The following TSPEAR variants were observed in gnomAD, a reference collection of about 807,000 sequenced individuals.
TSPEAR encodes thrombospondin type laminin G domain and EAR repeats.
In TSPEAR, 69 loss-of-function variants were observed where a neutral mutation model predicts 71.6. The ratio of observed to expected loss-of-function variants is 0.96; its 90% CI spans 0.79 to 1.18. The LOEUF is 1.18. Ranked by LOEUF, TSPEAR falls within the 50% of genes most tolerant of loss-of-function variation. TSPEAR has a pLI of 0.00. For synonymous variants in TSPEAR, 402 were observed against 387.2 expected, an observed-to-expected ratio of 1.04 and a Z score of -0.45; for missense variants, 971 against 894.9, an observed-to-expected ratio of 1.09 and a Z score of -1.09.
At chr21:44,616,589 C>T (rs1982112197) in intron 1 of TSPEAR, among the ~76,000 whole-genome samples, 2 of 152,258 alleles carry the variant, frequency 1.3e-5, no homozygotes, top group East Asian at 1.9e-4. Context: ...CCCACAACTC[C>T]AGTCCCTCTT....
In TSPEAR at chr21:44,553,568, T is replaced by G. The variant is rs1555919393; in HGVS notation, c.303+14217A>C. Among the ~76,000 whole-genome samples the G allele has an allele frequency of 6.6e-5, 10 of 151,870 alleles. No homozygotes were observed. The South Asian group carries it at 1.9e-3, about 29-fold the overall frequency. ...ATAACAAACAGAGTGTATATTTAGC[T>G]GAGACAAAACCTGAAAATTCAATTG... On this transcript the variant is annotated intron_variant, in intron 2 of 11. Transcript: ENST00000323084.
intron 1 of TSPEAR, among the ~76,000 whole-genome samples, chr21:44,650,392 C>T (rs1555941179): frequency 6.4e-5 from 2 of 31,038 alleles, no homozygotes. Flanking sequence ...TGCACACGAA[C>T]GGGCACCTGG....
rs116602194 is a variant in TSPEAR at position 44,589,197 on chromosome 21, C to T, written c.83-21192G>A. Among the ~76,000 whole-genome samples, 1,063 of 152,272 alleles carry T rather than the reference C, an allele frequency of 7.0e-3. 14 individuals are homozygous for T. Among genetic ancestry groups the T allele is most frequent in the African/African-American group, 0.024 (999 of 41,536 alleles). ...AATAAAAAACCAAAATAGAATGTCA[C>T]CACATGTGGGCTCTCACTAAGCATC... On this transcript the variant is annotated intron_variant, in intron 1 of 11. Transcript: ENST00000323084.
chr21:44,571,250 A>G (rs1009629968), intron 1 of TSPEAR, among the ~76,000 whole-genome samples: 33 of 152,268 alleles, frequency 2.2e-4, no homozygotes, highest in Non-Finnish European at 4.3e-4. Context: ...GGGTCTGGCT[A>G]TGTTGCCCAG....
At chr21:44,530,997 C>A in intron 4 of TSPEAR, 46 bp downstream of exon 4, 1 of 1,500,574 alleles carries the variant, frequency 6.7e-7, no homozygotes, top group South Asian at 1.1e-5. Context: ...TGGGGCAGTC[C>A]CATCCCGCAG....
At chr21:44,662,947 T>G (rs1187111022) in intron 1 of TSPEAR, among the ~76,000 whole-genome samples, 1 of 152,136 alleles carries the variant, frequency 6.6e-6, no homozygotes, top group Non-Finnish European at 1.5e-5. Flanking sequence ...TCAAAATATA[T>G]GGAACATGGC....
rs782237055 is a variant in TSPEAR at position 44,697,905 on chromosome 21, T to C, written c.82+13528A>G. On this transcript the variant is annotated intron_variant, in intron 1 of 11. Coordinates refer to ENST00000323084, the MANE Select transcript of TSPEAR (RefSeq NM_144991.3). ...CGCCTGGCCTCCTGCGGGTCCCTCC[T>C]CTGCCGCCCCACATGTTCCCGCCTG... 5.6e-6 allele frequency: 9 copies of C among 1,612,456 alleles called. No homozygotes were observed. The South Asian group carries it at 9.9e-5, about 18-fold the overall frequency.
chr21:44,702,295 G>A lies in TSPEAR; in HGVS notation c.82+9138C>T, dbSNP rs375555287. 790 of 1,606,564 alleles carry A rather than the reference G, an allele frequency of 4.9e-4. 6 individuals are homozygous for A. The African/African-American group carries it at 7.8e-3, about 16-fold the overall frequency. On this transcript the variant is annotated intron_variant, in intron 1 of 11. Coordinates refer to ENST00000323084, the MANE Select transcript of TSPEAR (RefSeq NM_144991.3). The stretch of plus-strand genomic sequence containing the variant: ...CTGCTGCGAGCCCCCCTGCTGCGCC[G>A]CCAGCTGCTGTGCCCCGGCCCCCTG...
At position 44,612,515 on chromosome 21, in the gene TSPEAR, T is replaced by C. The variant is rs781856406; in HGVS notation, c.83-44510A>G. The C allele has an allele frequency of 6.2e-7, 1 of 1,608,620 alleles. No individual in the cohort carries two copies. The highest frequency in any genetic ancestry group is 8.5e-7 in the Non-Finnish European group (1 of 1,176,930). On this transcript the variant is annotated intron_variant, in intron 1 of 11. Transcript: ENST00000323084. This position sits in a 1 kb window ranked among gnomAD's most constrained non-coding sequence, Gnocchi z 4.1. ...GCCCGTGTGCTGCGTGTCCATCTGC[T>C]CTGGAGCTTCCTCCCCATGCTGCCA...
intron 2 of TSPEAR, among the ~76,000 whole-genome samples, chr21:44,557,496 G>A (rs1375515578): frequency 1.3e-5 from 2 of 152,200 alleles, no homozygotes; most frequent in Admixed American, 1.3e-4. Flanking sequence ...GATGATGAGT[G>A]GGGGTCAGAC....
chr21:44,501,947 A>G (rs1427626638), intron 11 of TSPEAR, among the ~76,000 whole-genome samples: 1 of 152,200 alleles, frequency 6.6e-6, no homozygotes, highest in African/African-American at 2.4e-5. Flanking sequence ...TTCATTTTAA[A>G]CTGGATAAAG....
intron 2 of TSPEAR, chr21:44,558,163 G>A (rs1555920212): frequency 1.9e-6 from 3 of 1,610,716 alleles, no homozygotes; most frequent in Non-Finnish European, 2.5e-6. Flanking sequence ...CAGCTGGGCT[G>A]GCAGGTGGAG....
chr21:44,711,431 A>T lies in TSPEAR; in HGVS notation c.82+2T>A. On this transcript the variant is annotated splice_donor_variant, in intron 1 of 11. Coordinates refer to ENST00000323084, the MANE Select transcript of TSPEAR (RefSeq NM_144991.3). LOFTEE classifies it high-confidence loss of function. The surrounding 1 kb of genome is among the most constrained non-coding windows in gnomAD (Gnocchi z 4.5). Reference sequence around the variant, plus strand: ...GCCCGAGTTCCCATGCCCCTGCCTTACCTGTGCAGGGCTCCCAACCCTGCG... The same window carrying T: ...GCCCGAGTTCCCATGCCCCTGCCTTTCCTGTGCAGGGCTCCCAACCCTGCG... The T allele has an allele frequency of 1.9e-6, 3 of 1,598,162 alleles. No individual in the cohort carries two copies. Among genetic ancestry groups the T allele is most frequent in the Non-Finnish European group, 2.6e-6 (3 of 1,173,088 alleles).
Position 44,612,045 on chromosome 21 carries a change from C to A in TSPEAR, c.83-44040G>T. 1.3e-6 allele frequency: 2 copies of A among 1,549,874 alleles called. No individual in the cohort carries two copies. Among genetic ancestry groups the A allele is most frequent in the Admixed American group, 1.7e-5 (1 of 57,722 alleles). Reference sequence around the variant, plus strand: ...GGGTATAAAACCTCAGCAGCCAGGGCACACAAACCCACACACCTCACACCA... The same window carrying A: ...GGGTATAAAACCTCAGCAGCCAGGGAACACAAACCCACACACCTCACACCA... On this transcript the variant is annotated intron_variant, in intron 1 of 11. Transcript: ENST00000323084. This position sits in a 1 kb window ranked among gnomAD's most constrained non-coding sequence, Gnocchi z 4.1.
At position 44,591,369 on chromosome 21, in the gene TSPEAR, G is replaced by A. The variant is rs150717437; in HGVS notation, c.83-23364C>T. On this transcript the variant is annotated intron_variant, in intron 1 of 11. Coordinates refer to ENST00000323084, the MANE Select transcript of TSPEAR (RefSeq NM_144991.3). ...TCAGCCCCTGGTGGGAAGGGACTCC[G>A]GATCACATCCAGGGCTGTCAGCAGC... 8,376 of 1,582,554 alleles carry A rather than the reference G, an allele frequency of 5.3e-3. 291 individuals are homozygous for A. The African/African-American group carries it at 0.099, about 19-fold the overall frequency.
chr21:44,612,779 T>A lies in TSPEAR; in HGVS notation c.83-44774A>T. On this transcript the variant is annotated intron_variant, in intron 1 of 11. Coordinates refer to ENST00000323084, the MANE Select transcript of TSPEAR (RefSeq NM_144991.3). This position sits in a 1 kb window ranked among gnomAD's most constrained non-coding sequence, Gnocchi z 4.1. Reference sequence around the variant, plus strand: ...GCCTGCCTGCTGTGTGCCTGTCCCCTCCTGTTGTGTCCCTGCCTCCTCCTG... The same window carrying A: ...GCCTGCCTGCTGTGTGCCTGTCCCCACCTGTTGTGTCCCTGCCTCCTCCTG... The A allele has an allele frequency of 2.5e-6, 4 of 1,613,088 alleles. No homozygotes were observed. The highest frequency in any genetic ancestry group is 3.4e-6 in the Non-Finnish European group (4 of 1,179,828).
At chr21:44,508,038 C>T (rs1569151001) in intron 10 of TSPEAR, 1 of 152,196 alleles carries the variant, frequency 6.6e-6, no homozygotes, top group Admixed American at 6.5e-5. Context: ...TTTGTAAAGC[C>T]AGGAGTTCAG....
chr21:44,617,192 G>A (rs782401477), intron 1 of TSPEAR, among the ~76,000 whole-genome samples: 4 of 152,236 alleles, frequency 2.6e-5, no homozygotes, highest in Middle Eastern at 3.2e-3. Flanking sequence ...CCTGGCAGGT[G>A]GCAGAGGCCC....
intron 1 of TSPEAR, among the ~76,000 whole-genome samples, chr21:44,665,671 C>T (rs781908868): frequency 6.6e-6 from 1 of 152,146 alleles, no homozygotes; most frequent in African/African-American, 2.4e-5. Flanking sequence ...TGATGATGTT[C>T]TCATTTCTAT....
Sources: allele counts gnomAD v4.1 joint callset (sites outside exome capture counted in the v4.1 genomes callset), GRCh38; gene constraint gnomAD v4.1.1; non-coding constraint Gnocchi (gnomAD v3.1); transcripts MANE v1.5; gene names NCBI Gene and HGNC (gene_info 2026-07-23, HGNC 2026-07-21).